Variants in UBXN2A observed in about 807,000 individuals in gnomAD.
UBXN2A encodes UBX domain protein 2A.
UBXN2A carries 28 observed loss-of-function variants against 28.4 expected under a neutral mutation model. The observed-to-expected ratio is 0.99, with a 90% confidence interval of 0.73 to 1.35. UBXN2A has a LOEUF of 1.35. Among genes scored for constraint, UBXN2A ranks in the 40% most tolerant of loss-of-function variants. The pLI is 0.00. For missense variants in UBXN2A, 253 were observed against 297.9 expected, an observed-to-expected ratio of 0.85 and a Z score of 1.11; for synonymous variants, 97 against 103.6, an observed-to-expected ratio of 0.94 and a Z score of 0.39.
At chr2:23,954,767 T>C (rs1179144081) in intron 1 of UBXN2A, among the ~76,000 whole-genome samples, 2 of 151,374 alleles carry the variant, frequency 1.3e-5, no homozygotes, top group Non-Finnish European at 2.9e-5. Context: ...TTTTTTTTTT[T>C]TTTTTTAAGA....
At chr2:23,969,696 C>T (rs1233781765) in intron 2 of UBXN2A, among the ~76,000 whole-genome samples, 1 of 152,128 alleles carries the variant, frequency 6.6e-6, no homozygotes, top group East Asian at 1.9e-4. Flanking sequence ...CCAGCTGTGG[C>T]AATGTGTGCC....
chr2:23,949,624 T>C (rs1197275029), intron 1 of UBXN2A, among the ~76,000 whole-genome samples: 2 of 151,852 alleles, frequency 1.3e-5, no homozygotes, highest in Admixed American at 1.3e-4. Context: ...CCTATAATTC[T>C]AGCACTTTGG....
intron 1 of UBXN2A, among the ~76,000 whole-genome samples, chr2:23,948,675 A>ATGCTTAT (rs1208596315): frequency 6.6e-6 from 1 of 152,156 alleles, no homozygotes; most frequent in African/African-American, 2.4e-5. Context: ...TCCATGCTAT[A>ATGCTTAT]AGTTAGGCAG....
At chr2:23,957,707 G>A (rs921044064) in intron 1 of UBXN2A, among the ~76,000 whole-genome samples, 24 of 152,056 alleles carry the variant, frequency 1.6e-4, no homozygotes, top group African/African-American at 5.6e-4. Context: ...GGTGGCGCAC[G>A]TCCGTAATCC....
At chr2:23,939,446 G>C (rs1705639292), upstream of UBXN2A, 1 of 152,468 alleles carries the variant, frequency 6.6e-6, no homozygotes, top group Non-Finnish European at 1.5e-5. Flanking sequence ...AACAGGGCTA[G>C]AAAGACCCGG....
chr2:23,931,719 G>A (rs1195144651), intron 1 of UBXN2A, among the ~76,000 whole-genome samples: 1 of 152,028 alleles, frequency 6.6e-6, no homozygotes, highest in Non-Finnish European at 1.5e-5. Context: ...TTCTCTGCGT[G>A]AAGAAATGCA....
chr2:24,001,049 T>C lies in UBXN2A; in HGVS notation c.*1182T>C, dbSNP rs1211534783. ...TCTTGTTGCCCAGGCTGGAGTGCAG[T>C]GGCGCAATCTCAGCTCACCACAACC... is the stretch of plus-strand genomic sequence containing the variant. On this transcript the variant is annotated 3_prime_UTR_variant, in exon 7 of 7. Coordinates refer to ENST00000309033, the MANE Select transcript of UBXN2A (RefSeq NM_181713.4). 1 of 152,266 alleles carries C rather than the reference T, an allele frequency of 6.6e-6. No individual in the cohort carries two copies. Among genetic ancestry groups the C allele is most frequent in the African/African-American group, 2.4e-5 (1 of 41,448 alleles). The allele number at this position is 152,266 out of a possible 1,614,324, so 9.4% of individuals were successfully genotyped here.
In UBXN2A at chr2:23,971,321, A is replaced by C. The variant is rs780916623; in HGVS notation, c.87A>C (p.Gln29His). ...GSDNQPLGNN[Q>H]QSNCEYFVDS... Reference sequence around the variant, plus strand: ...ATAATCAACCTCTTGGTAATAATCAACAATCAAATTGTGAATATTTTGTTG... The same window carrying C: ...ATAATCAACCTCTTGGTAATAATCACCAATCAAATTGTGAATATTTTGTTG... Residue 29 changes from glutamine (Q) to histidine (H), a missense_variant, in exon 3 of 7, where the codon CAA (glutamine) becomes CAC (histidine). By Grantham distance (24) the Gln-to-His change is conservative (BLOSUM62 0). Transcript: ENST00000309033. 8 of 1,575,924 alleles carry C rather than the reference A, an allele frequency of 5.1e-6. No homozygotes were observed. The Admixed American group carries it at 1.3e-4, about 27-fold the overall frequency.
chr2:23,957,622 G>T (rs1359192843), intron 1 of UBXN2A, among the ~76,000 whole-genome samples: 1 of 151,656 alleles, frequency 6.6e-6, no homozygotes, highest in South Asian at 2.1e-4. Context: ...ATCACCTGAG[G>T]TTGGGAGTTC....
chr2:23,932,067 C>A (rs1705385654), intron 1 of UBXN2A, among the ~76,000 whole-genome samples: 2 of 151,622 alleles, frequency 1.3e-5, no homozygotes, highest in African/African-American at 4.8e-5. Flanking sequence ...CGCCTGTAAT[C>A]CCAGAACTTT....
At position 24,001,953 on chromosome 2, in the gene UBXN2A, CTT is replaced by C. The variant is rs1006943824; in HGVS notation, c.*2088_*2089del. 5.2e-4 allele frequency: 77 copies of C among 148,064 alleles called. No individual in the cohort carries two copies. The highest frequency in any genetic ancestry group is 1.9e-3 in the African/African-American group (76 of 39,606). The allele number at this position is 148,064 out of a possible 1,614,324, so 9.2% of individuals were successfully genotyped here. On this transcript the variant is annotated 3_prime_UTR_variant, in exon 7 of 7. Coordinates refer to ENST00000309033, the MANE Select transcript of UBXN2A (RefSeq NM_181713.4). The stretch of plus-strand genomic sequence containing the variant: ...TCCAGCCTGGTGACGGAGCGAGACT[CTT>C]TCTCAAAAAAAAAAAATTATTCATT...
chr2:23,941,880 C>G (rs1253780484), intron 1 of UBXN2A, among the ~76,000 whole-genome samples: 1 of 152,140 alleles, frequency 6.6e-6, no homozygotes, highest in African/African-American at 2.4e-5. Flanking sequence ...CTAGACCAGC[C>G]TGGCTAACAT....
Position 23,973,129 on chromosome 2 carries a change from C to T in UBXN2A, c.180+1715C>T, listed in dbSNP as rs537680380. ...CTGTCTCCCAGGTTCAAGCCATTCT[C>T]CTGCCTCAGCCTCCCTAATAGCTGG... On this transcript the variant is annotated intron_variant, in intron 3 of 6. Coordinates refer to ENST00000309033, the MANE Select transcript of UBXN2A (RefSeq NM_181713.4). 5.9e-5 allele frequency among the ~76,000 whole-genome samples: 9 copies of T among 151,932 alleles called. No individual in the cohort carries two copies. The South Asian group carries it at 1.7e-3, about 28-fold the overall frequency.
At chr2:23,965,831 A>G (rs1707137466) in intron 2 of UBXN2A, among the ~76,000 whole-genome samples, 1 of 152,194 alleles carries the variant, frequency 6.6e-6, no homozygotes, top group Admixed American at 6.5e-5. Context: ...CAGTGACATC[A>G]TCCAGACCTG....
At chr2:23,932,010 C>CAAAA (rs959769962) in intron 1 of UBXN2A, among the ~76,000 whole-genome samples, 1 of 131,232 alleles carries the variant, frequency 7.6e-6, no homozygotes, top group Non-Finnish European at 1.6e-5. Flanking sequence ...GACTCCGTCT[C>CAAAA]AAAAAAAAAA....
At chr2:23,954,976 A>T (rs1706547823) in intron 1 of UBXN2A, among the ~76,000 whole-genome samples, 1 of 135,130 alleles carries the variant, frequency 7.4e-6, no homozygotes, top group Non-Finnish European at 1.5e-5. Flanking sequence ...CTTTGTCGCC[A>T]GACTGGAGTG....
chr2:23,991,772 T>G (rs1708362805), intron 6 of UBXN2A, among the ~76,000 whole-genome samples: 1 of 151,452 alleles, frequency 6.6e-6, no homozygotes. Flanking sequence ...GTGCCCGGCC[T>G]TTTTTGTTTT....
At chr2:23,948,706 A>G (rs1706215708) in intron 1 of UBXN2A, among the ~76,000 whole-genome samples, 1 of 152,188 alleles carries the variant, frequency 6.6e-6, no homozygotes, top group African/African-American at 2.4e-5. Context: ...GAGAAGCTAA[A>G]TAACATATAC....
rs984128948 is a variant in UBXN2A, at chr2:23,951,439, T to C, written c.-14-6862T>C. ...ATATATATATATATATATATATATA[T>C]ATATATATATATATATATATATATA... On this transcript the variant is annotated intron_variant, in intron 1 of 6. Coordinates refer to ENST00000309033, the MANE Select transcript of UBXN2A (RefSeq NM_181713.4). 1.2e-4 allele frequency among the ~76,000 whole-genome samples: 7 copies of C among 56,220 alleles called. No individual in the cohort carries two copies. In the East Asian group the frequency reaches 3.2e-3, roughly 25 times the overall value. The allele number at this position is 56,220 out of a possible 152,430, so 36.9% of individuals were successfully genotyped here.
Sources: allele counts gnomAD v4.1 joint callset (sites outside exome capture counted in the v4.1 genomes callset), GRCh38; gene constraint gnomAD v4.1.1; transcripts MANE v1.5; gene names NCBI Gene and HGNC (gene_info 2026-07-23, HGNC 2026-07-21).